Variants in ACAP1 observed in about 807,000 individuals in gnomAD.
The protein encoded by ACAP1 is ArfGAP with coiled-coil, ankyrin repeat and PH domains 1, also known as arf-GAP with coiled-coil, ANK repeat and PH domain-containing protein 1.
ACAP1 carries 45 observed loss-of-function variants against 98.8 expected under a neutral mutation model. That is an observed-to-expected ratio of 0.46 (90% CI 0.36 to 0.58). The LOEUF is 0.58. Among genes scored for constraint, ACAP1 ranks in the 20% least tolerant of loss-of-function variants. The pLI, the probability that ACAP1 is intolerant of heterozygous loss-of-function variation, is 0.00. For missense variants in ACAP1, 735 were observed against 971.4 expected (o/e 0.76, Z 3.24); for synonymous variants, 362 against 375.3 (o/e 0.96, Z 0.41).
Position 7,351,311 on chromosome 17 carries a change from T to G in ACAP1, c.2139T>G (p.Leu713=). 2 of 1,613,502 alleles carry G rather than the reference T, an allele frequency of 1.2e-6. No individual in the cohort carries two copies. The highest frequency in any genetic ancestry group is 8.5e-7 in the Non-Finnish European group (1 of 1,179,620). ...AQGQAGDETY[L]DIFRDFSLMA... ...CTCCCCCAGGAGATGAGACGTATCT[T>G]GACATCTTCCGCGACTTCTCCCTCA... Residue 713 remains leucine, a synonymous_variant, in exon 22 of 22, where the codon CTT becomes CTG. Transcript: ENST00000158762.
chr17:7,344,274 G>A lies in ACAP1; in HGVS notation c.744+151G>A. On this transcript the variant is annotated intron_variant, in intron 9 of 21. Transcript: ENST00000158762. This position sits in a 1 kb window ranked among gnomAD's most constrained non-coding sequence, Gnocchi z 4.9. Reference sequence around the variant, plus strand: ...AGAAAATTTTAAAATTAGCTGGTGTGGTGGCATGCACCTCTAGTTCTAGCT... The same window carrying A: ...AGAAAATTTTAAAATTAGCTGGTGTAGTGGCATGCACCTCTAGTTCTAGCT... 1 of 941,600 alleles carries A rather than the reference G, an allele frequency of 1.1e-6. No individual in the cohort carries two copies. Among genetic ancestry groups the A allele is most frequent in the Admixed American group, 2.4e-5 (1 of 42,448 alleles). 58.3% of individuals were successfully genotyped at this position (941,600 alleles called of 1,614,324 possible). A position where few individuals can be genotyped will look rare whatever the true frequency, so the allele number is the denominator to read the frequency against.
In ACAP1 at chr17:7,346,926, G is replaced by C; in HGVS notation, c.1126G>C (p.Gly376Arg). The change falls in exon 13 of 22, where the codon GGC becomes CGC. Residue 376 changes from glycine to arginine, a missense_variant. This residue lies in a region of ACAP1 where 430 missense variants were observed against 531.8 expected (regional missense o/e 0.81). Transcript: ENST00000158762. Reference sequence around the variant, plus strand: ...CCTTGATGACAGCCCCCGGGGTCCAGGCCAGGTACCTTAACCTGGGGGTGC... The same window carrying C: ...CCTTGATGACAGCCCCCGGGGTCCACGCCAGGTACCTTAACCTGGGGGTGC... ...ARLDDSPRGP[G>R]QGSGHLAIGS... The C allele has an allele frequency of 6.2e-7, 1 of 1,610,464 alleles. No homozygotes were observed. The highest frequency in any genetic ancestry group is 8.5e-7 in the Non-Finnish European group (1 of 1,177,290).
At chr17:7,345,716 G>C (rs895045036) in intron 10 of ACAP1, 1 of 155,944 alleles carries the variant, frequency 6.4e-6, no homozygotes, top group Non-Finnish European at 1.4e-5. Context: ...ACAGTGGTGC[G>C]ATCTCAGCTC....
rs757845371 is a variant in ACAP1 at position 7,350,281 on chromosome 17, C to A, written c.2072+44C>A. The A allele has an allele frequency of 9.3e-6, 14 of 1,502,208 alleles. No homozygotes were observed. Among genetic ancestry groups the A allele is most frequent in the Admixed American group, 1.8e-5 (1 of 56,882 alleles). 93.1% of individuals were successfully genotyped at this position (1,502,208 alleles called of 1,614,324 possible). A position where few individuals can be genotyped will look rare whatever the true frequency, so the allele number is the denominator to read the frequency against. ...GCGGGGCTGGCGCTGGGACTCCCCC[C>A]ACCCCCGCCCACCCACGTTCGGGCG... is the stretch of plus-strand genomic sequence containing the variant. On this transcript the variant is annotated intron_variant, in intron 20 of 21. Transcript: ENST00000158762. The surrounding 1 kb of genome is among the most constrained non-coding windows in gnomAD (Gnocchi z 4.6).
chr17:7,345,718 TCTCAGCTCACTGCAAC>T (rs2073339800), intron 10 of ACAP1: 1 of 157,936 alleles, frequency 6.3e-6, no homozygotes, highest in South Asian at 1.8e-4. Context: ...AGTGGTGCGA[TCTCAGCTCACTGCAAC>T]CTCAGCTTCC....
rs760636497 is a variant in ACAP1 at position 7,350,131 on chromosome 17, G to A, written c.1966G>A (p.Ala656Thr). 3 of 1,614,132 alleles carry A rather than the reference G, an allele frequency of 1.9e-6. No individual in the cohort carries two copies. Among genetic ancestry groups the A allele is most frequent in the Non-Finnish European group, 2.5e-6 (3 of 1,179,994 alleles). ...GACCCTGGCTCTTCTCTCCAGGCTC[G>A]CCTGCCTGTTCCTGAAACGGGGAGC... ...HATILGHTGL[A>T]CLFLKRGADL... The change falls in exon 20 of 22, where the codon GCC becomes ACC. Residue 656 changes from alanine (A) to threonine (T), a missense_variant. Physicochemically the swap from Ala to Thr is moderately conservative, Grantham distance 58 (BLOSUM62 0). Coordinates refer to ENST00000158762, the MANE Select transcript of ACAP1 (RefSeq NM_014716.4). This position sits in a 1 kb window ranked among gnomAD's most constrained non-coding sequence, Gnocchi z 4.6.
At chr17:7,340,145 G>T (rs1167597597) in intron 2 of ACAP1, among the ~76,000 whole-genome samples, 1 of 151,974 alleles carries the variant, frequency 6.6e-6, no homozygotes, top group African/African-American at 2.4e-5. Context: ...GGTGGTGTGT[G>T]CCTGTAGTCT....
At position 7,344,396 on chromosome 17, in the gene ACAP1, A is replaced by G. The variant is rs1016054071; in HGVS notation, c.745-143A>G. ...ACTGCACTTAAGCCTGGGTGAAAGA[A>G]CAAGACCCTGTCTCTAAAAATAAAT... On this transcript the variant is annotated intron_variant, in intron 9 of 21. Coordinates refer to ENST00000158762, the MANE Select transcript of ACAP1 (RefSeq NM_014716.4). The surrounding 1 kb of genome is among the most constrained non-coding windows in gnomAD (Gnocchi z 4.9). 63 of 709,804 alleles carry G rather than the reference A, an allele frequency of 8.9e-5. No individual in the cohort carries two copies. The highest frequency in any genetic ancestry group is 1.4e-4 in the Non-Finnish European group (61 of 425,492). The allele number at this position is 709,804 out of a possible 1,614,324, so 44.0% of individuals were successfully genotyped here. A position where few individuals can be genotyped will look rare whatever the true frequency, so the allele number is the denominator to read the frequency against.
rs750811491 is a variant in ACAP1, at chr17:7,348,285, C to T, written c.1509-21C>T. ...CCCTGGAGCAGAAGAGGGAAGACTG[C>T]GTGCTTCTCCCCTCCCACAGGCAGG... is the stretch of plus-strand genomic sequence containing the variant. On this transcript the variant is annotated intron_variant, in intron 16 of 21. Coordinates refer to ENST00000158762, the MANE Select transcript of ACAP1 (RefSeq NM_014716.4). 131 of 1,600,264 alleles carry T rather than the reference C, an allele frequency of 8.2e-5. 4 individuals are homozygous for T. The South Asian group carries it at 1.3e-3, about 16-fold the overall frequency.
intron 17 of ACAP1, 43 bp from the exon 18 acceptor site, chr17:7,348,952 C>T (rs780009258): frequency 1.3e-6 from 2 of 1,582,718 alleles, no homozygotes; most frequent in South Asian, 2.2e-5. Flanking sequence ...TCTTCCCAGA[C>T]TCGGAGCTGC....
rs988212795 is a variant in ACAP1, at chr17:7,336,671, C to T, written c.-64C>T. 1 of 1,578,126 alleles carries T rather than the reference C, an allele frequency of 6.3e-7. No homozygotes were observed. Among genetic ancestry groups the T allele is most frequent in the Admixed American group, 1.7e-5 (1 of 59,956 alleles). On this transcript the variant is annotated 5_prime_UTR_variant, in exon 1 of 22. Transcript: ENST00000158762. ...CTCCCCTTCCTGGGACAGAAAGTGC[C>T]TCCACCTGCATCCCCAGGGGCCCGG...
intron 14 of ACAP1, 34 bp from the exon 15 acceptor site, chr17:7,347,888 C>T: frequency 2.5e-6 from 4 of 1,591,756 alleles, no homozygotes; most frequent in Non-Finnish European, 3.4e-6. Context: ...TGCCCCCCTG[C>T]ACAGGGCCTG....
chr17:7,350,611 C>CTTTT lies in ACAP1; in HGVS notation c.2073-327_2073-324dup. ...AAGTTGTGGGGGAGGTGAGGATAGT[C>CTTTT]TTTTTTTTTTTTTTTGAGACGGAGT... is the stretch of plus-strand genomic sequence containing the variant. On this transcript the variant is annotated intron_variant, in intron 20 of 21. Coordinates refer to ENST00000158762, the MANE Select transcript of ACAP1 (RefSeq NM_014716.4). The surrounding 1 kb of genome is among the most constrained non-coding windows in gnomAD (Gnocchi z 4.6). The CTTTT allele has an allele frequency of 7.6e-6, 2 of 263,936 alleles. No homozygotes were observed. Among genetic ancestry groups the CTTTT allele is most frequent in the East Asian group, 8.8e-5 (1 of 11,358 alleles). 16.3% of individuals were successfully genotyped at this position (263,936 alleles called of 1,614,324 possible).
chr17:7,348,430 A>C lies in ACAP1; in HGVS notation c.1633A>C (p.Lys545Gln), dbSNP rs1159410192. 8.0e-6 allele frequency: 12 copies of C among 1,509,018 alleles called. No individual in the cohort carries two copies. Among genetic ancestry groups the C allele is most frequent in the Middle Eastern group, 1.8e-4 (1 of 5,638 alleles). 93.5% of individuals were successfully genotyped at this position (1,509,018 alleles called of 1,614,324 possible). A position where few individuals can be genotyped will look rare whatever the true frequency, so the allele number is the denominator to read the frequency against. The change falls in exon 17 of 22, where the codon AAG (lysine) becomes CAG (glutamine). Residue 545 changes from lysine (K) to glutamine (Q), a missense_variant. Physicochemically the swap from Lys to Gln is moderately conservative, Grantham distance 53. Around this residue, in one of 5 missense-constraint regions of ACAP1, gnomAD observed 80 missense variants for 64.4 expected, o/e 1.24. Transcript: ENST00000158762. The stretch of plus-strand genomic sequence containing the variant: ...AAGGGGGCAGCCTCCTGTGCCCCCA[A>C]AGCCTTCCATCAGGCCCCGGCCAGG... ...RPRGQPPVPP[K>Q]PSIRPRPGSL...
chr17:7,351,197 G>T, intron 21 of ACAP1, 98 bp from the exon 22 acceptor site: 2 of 1,192,080 alleles, frequency 1.7e-6, no homozygotes, highest in Non-Finnish European at 2.4e-6. Flanking sequence ...TTCCCACCCA[G>T]GCTCGGAGCG....
intron 15 of ACAP1, 67 bp downstream of exon 15, chr17:7,348,058 G>C: frequency 6.2e-7 from 1 of 1,610,904 alleles, no homozygotes; most frequent in East Asian, 2.2e-5. Flanking sequence ...GGCGGTGCAG[G>C]GGCGTGATCC....
intron 2 of ACAP1, among the ~76,000 whole-genome samples, chr17:7,339,389 T>C (rs1259492541): frequency 6.6e-6 from 1 of 152,028 alleles, no homozygotes; most frequent in South Asian, 2.1e-4. Context: ...GGCAGGTGGA[T>C]CACGAGGTCA....
At position 7,346,698 on chromosome 17, in the gene ACAP1, C is replaced by CA. The variant is rs1322813510; in HGVS notation, c.1008-108dup. ...ATTACCAACTGGTACAGAAGTCTTT[C>CA]AATGCAACTGGAACTGGTTGAATAC... On this transcript the variant is annotated intron_variant, in intron 12 of 21. Coordinates refer to ENST00000158762, the MANE Select transcript of ACAP1 (RefSeq NM_014716.4). 6.3e-5 allele frequency: 85 copies of CA among 1,351,142 alleles called. No individual in the cohort carries two copies. In the South Asian group the frequency reaches 1.1e-3, roughly 18 times the overall value. The allele number at this position is 1,351,142 out of a possible 1,614,324, so 83.7% of individuals were successfully genotyped here. A position where few individuals can be genotyped will look rare whatever the true frequency, so the allele number is the denominator to read the frequency against.
chr17:7,344,482 C>G lies in ACAP1; in HGVS notation c.745-57C>G. The G allele has an allele frequency of 3.1e-6, 4 of 1,271,532 alleles. No homozygotes were observed. Among genetic ancestry groups the G allele is most frequent in the Non-Finnish European group, 4.5e-6 (4 of 895,550 alleles). 78.8% of individuals were successfully genotyped at this position (1,271,532 alleles called of 1,614,324 possible). ...TAGGGCTGTGGGCAGGAGGCAGATG[C>G]CTATGGCCTTGGTGTCTGCCCATCT... On this transcript the variant is annotated intron_variant, in intron 9 of 21. Coordinates refer to ENST00000158762, the MANE Select transcript of ACAP1 (RefSeq NM_014716.4). The surrounding 1 kb of genome is among the most constrained non-coding windows in gnomAD (Gnocchi z 4.9).
Sources: gnomAD v4.1 joint callset for allele counts (sites outside exome capture counted in the v4.1 genomes callset) on GRCh38, gnomAD v4.1.1 for gene constraint, gnomAD v4.1.1 regional missense constraint, Gnocchi (gnomAD v3.1) non-coding constraint, MANE v1.5 for transcripts, NCBI Gene and HGNC (gene_info 2026-07-23, HGNC 2026-07-21) for gene names.